The following SH3GL2 variants were observed in gnomAD, a reference collection of about 807,000 sequenced individuals.
SH3GL2 encodes endophilin-A1.
A neutral mutation model predicts 46.0 loss-of-function variants in SH3GL2; 24 were observed. The observed-to-expected ratio is 0.52, with a 90% CI of 0.38 to 0.73. The LOEUF (loss-of-function observed/expected upper bound fraction) is 0.73, where lower values mean the gene tolerates loss of function less well. SH3GL2 is among the 30% of genes least tolerant of loss of function. The probability of loss-of-function intolerance (pLI) is 0.00; values close to 1 mark genes in which losing one functional copy is unlikely to be tolerated. For missense variants in SH3GL2, 413 were observed against 424.2 expected (o/e 0.97, Z 0.23); for synonymous variants, 196 against 147.1 (o/e 1.33, Z -2.40).
intron 2 of SH3GL2, among the ~76,000 whole-genome samples, chr9:17,751,860 C>T (rs1013646204): frequency 3.9e-5 from 6 of 151,916 alleles, no homozygotes; most frequent in African/African-American, 7.3e-5. Context: ...CACACCCCCC[C>T]GGTGTGGGGA....
At chr9:17,738,383 A>T (rs1189390685) in intron 1 of SH3GL2, among the ~76,000 whole-genome samples, 1 of 151,576 alleles carries the variant, frequency 6.6e-6, no homozygotes, top group Admixed American at 6.6e-5. Context: ...CCTGTGTTGT[A>T]CTATAAATAG....
intron 1 of SH3GL2, among the ~76,000 whole-genome samples, chr9:17,604,874 A>G (rs184609622): frequency 4.6e-5 from 7 of 152,056 alleles, no homozygotes; most frequent in African/African-American, 1.7e-4. Flanking sequence ...GGGTCACCGG[A>G]CTTCTCTAGG....
chr9:17,793,627 G>T, intron 8 of SH3GL2, 130 bp downstream of exon 8: 1 of 822,830 alleles, frequency 1.2e-6, no homozygotes, highest in Admixed American at 2.9e-5. Context: ...TATGGAGTCA[G>T]TTGTCAGGTA....
rs544633155 is a variant in SH3GL2, at chr9:17,606,387, G to A, written c.45+27100G>A. Among the ~76,000 whole-genome samples, 19 of 152,166 alleles carry A rather than the reference G, an allele frequency of 1.2e-4. No individual in the cohort carries two copies. The South Asian group carries it at 2.7e-3, about 22-fold the overall frequency. On this transcript the variant is annotated intron_variant, in intron 1 of 8. Coordinates refer to ENST00000380607, the MANE Select transcript of SH3GL2 (RefSeq NM_003026.5). ...ATTACAGGCGTAAGCCACCATGCCC[G>A]CTCAGACCCCACAACTCCCAAGGCC...
At chr9:17,627,933 C>T (rs563176782) in intron 1 of SH3GL2, among the ~76,000 whole-genome samples, 5 of 152,276 alleles carry the variant, frequency 3.3e-5, no homozygotes, top group Admixed American at 1.3e-4. Flanking sequence ...GTTTTAACCT[C>T]TTCATGTCTC....
intron 1 of SH3GL2, among the ~76,000 whole-genome samples, chr9:17,662,178 T>G (rs1820235437): frequency 6.6e-6 from 1 of 152,216 alleles, no homozygotes; most frequent in Non-Finnish European, 1.5e-5. Context: ...CTTATTCAGT[T>G]CTTCTGTATC....
At chr9:17,785,405 C>T (rs1162303268) in intron 3 of SH3GL2, among the ~76,000 whole-genome samples, 1 of 152,188 alleles carries the variant, frequency 6.6e-6, no homozygotes, top group Non-Finnish European at 1.5e-5. Context: ...GATAACTTTT[C>T]TCATCTCTAT....
At chr9:17,686,795 G>T (rs1022654140) in intron 1 of SH3GL2, among the ~76,000 whole-genome samples, 1 of 128,424 alleles carries the variant, frequency 7.8e-6, no homozygotes, top group African/African-American at 2.9e-5. Context: ...GTTGTGGGGT[G>T]GGGGGAGGGG....
At chr9:17,581,967 C>T (rs927635299) in intron 1 of SH3GL2, among the ~76,000 whole-genome samples, 4 of 152,086 alleles carry the variant, frequency 2.6e-5, no homozygotes, top group African/African-American at 9.7e-5. Context: ...AGGCTGAGCC[C>T]CCGCACCTGG....
intron 1 of SH3GL2, among the ~76,000 whole-genome samples, chr9:17,646,637 G>A (rs1452177743): frequency 6.6e-6 from 1 of 152,144 alleles, no homozygotes; most frequent in Non-Finnish European, 1.5e-5. Context: ...CCTGTCTTCT[G>A]CAGGCCTGAT....
At chr9:17,758,347 G>A (rs1387405271) in intron 2 of SH3GL2, among the ~76,000 whole-genome samples, 1 of 151,880 alleles carries the variant, frequency 6.6e-6, no homozygotes, top group Non-Finnish European at 1.5e-5. Flanking sequence ...GATCACTTGA[G>A]GCCAGGAGTT....
chr9:17,579,370 G>T, intron 1 of SH3GL2, 83 bp downstream of exon 1: 3 of 982,960 alleles, frequency 3.1e-6, no homozygotes, highest in Non-Finnish European at 4.3e-6. Context: ...TCCGGCGGCA[G>T]CTTGGGGAGT....
intron 1 of SH3GL2, among the ~76,000 whole-genome samples, chr9:17,673,591 A>G (rs1204523337): frequency 6.6e-6 from 1 of 152,184 alleles, no homozygotes; most frequent in East Asian, 1.9e-4. Flanking sequence ...TGTCACCAGC[A>G]GGATAAAGTC....
chr9:17,640,099 A>T (rs1001315035), intron 1 of SH3GL2, among the ~76,000 whole-genome samples: 1 of 152,218 alleles, frequency 6.6e-6, no homozygotes, highest in Non-Finnish European at 1.5e-5. Flanking sequence ...TCATCAAAAT[A>T]TAAAATTAAA....
At chr9:17,581,041 G>A (rs7029216) in intron 1 of SH3GL2, among the ~76,000 whole-genome samples, 35,858 of 152,110 alleles carry the variant, frequency 0.24, 5,245 homozygotes, top group Non-Finnish European at 0.33. Flanking sequence ...TCTCTTCAGG[G>A]TTGAGGTGAA....
intron 1 of SH3GL2, among the ~76,000 whole-genome samples, chr9:17,714,091 T>A (rs1282904996): frequency 5.3e-5 from 8 of 151,730 alleles, no homozygotes; most frequent in Non-Finnish European, 1.2e-4. Context: ...TGTTATATCA[T>A]CTTGATTAAT....
At chr9:17,623,121 T>A (rs970881413) in intron 1 of SH3GL2, among the ~76,000 whole-genome samples, 1 of 149,304 alleles carries the variant, frequency 6.7e-6, no homozygotes, top group Non-Finnish European at 1.5e-5. Context: ...CTGCTTTAGT[T>A]CACTGTTTGG....
Position 17,747,104 on chromosome 9 carries a change from G to A in SH3GL2, c.84G>A (p.Lys28=). The A allele has an allele frequency of 6.2e-7, 1 of 1,610,592 alleles. No homozygotes were observed. The highest frequency in any genetic ancestry group is 8.5e-7 in the Non-Finnish European group (1 of 1,176,922). ...AGGTTGGAGGAGCTGAAGGAACCAA[G>A]CTAGATGATGACTTCAAAGAGATGG... ...SEKVGGAEGT[K]LDDDFKEMER... is the part of the protein sequence containing the mutation. Residue 28 remains lysine, a synonymous_variant, in exon 2 of 9, where the codon AAG becomes AAA. Coordinates refer to ENST00000380607, the MANE Select transcript of SH3GL2 (RefSeq NM_003026.5).
intron 2 of SH3GL2, among the ~76,000 whole-genome samples, chr9:17,754,931 A>G (rs1822945485): frequency 6.6e-6 from 1 of 152,156 alleles, no homozygotes; most frequent in Admixed American, 6.5e-5. Context: ...CCGTCTGCAA[A>G]CATGGATAGC....
Sources: allele counts gnomAD v4.1 joint callset (sites outside exome capture counted in the v4.1 genomes callset), GRCh38; gene constraint gnomAD v4.1.1; transcripts MANE v1.5; gene names NCBI Gene and HGNC (gene_info 2026-07-23, HGNC 2026-07-21).